Variants in EPHA5 observed in about 807,000 individuals in gnomAD.
EPHA5 encodes ephrin type-A receptor 5.
Under a neutral mutation model 105.0 loss-of-function variants are expected in EPHA5, and 60 were observed. The ratio of observed to expected loss-of-function variants is 0.57; its 90% CI spans 0.46 to 0.71. The LOEUF (loss-of-function observed/expected upper bound fraction) is 0.71, where lower values mean the gene tolerates loss of function less well. Among genes scored for constraint, EPHA5 ranks in the 30% least tolerant of loss-of-function variants. The pLI, the probability that EPHA5 is intolerant of heterozygous loss-of-function variation, is 0.00. For synonymous variants in EPHA5, 513 were observed against 449.1 expected, an observed-to-expected ratio of 1.14 and a Z score of -1.80; for missense variants, 1,218 against 1,274.7, an observed-to-expected ratio of 0.96 and a Z score of 0.68.
At chr4:65,621,740 T>G (rs1308504760) in intron 2 of EPHA5, among the ~76,000 whole-genome samples, 1 of 152,148 alleles carries the variant, frequency 6.6e-6, no homozygotes, top group African/African-American at 2.4e-5. Flanking sequence ...ACTGTTCCAC[T>G]GGGTTCTAGC....
intron 1 of EPHA5, among the ~76,000 whole-genome samples, chr4:65,660,014 G>A (rs1042489101): frequency 6.6e-6 from 1 of 151,994 alleles, no homozygotes; most frequent in African/African-American, 2.4e-5. Flanking sequence ...CATTTCTCAT[G>A]CCCTTTTAAT....
chr4:65,477,717 T>A (rs1366207907), intron 5 of EPHA5, among the ~76,000 whole-genome samples: 1 of 152,092 alleles, frequency 6.6e-6, no homozygotes, highest in African/African-American at 2.4e-5. Context: ...CCAGCCCACT[T>A]CATGTTCTTA....
chr4:65,348,710 TGTGTG>T, intron 13 of EPHA5, among the ~76,000 whole-genome samples: 3 of 127,884 alleles, frequency 2.3e-5, no homozygotes, highest in Non-Finnish European at 5.0e-5. Flanking sequence ...AATATATATG[TGTGTG>T]TATATATATG....
intron 13 of EPHA5, 118 bp from the exon 14 acceptor site, chr4:65,348,321 C>A: frequency 1.1e-6 from 1 of 916,140 alleles, no homozygotes; most frequent in South Asian, 1.7e-5. Flanking sequence ...ATCTGTTTGA[C>A]AGCGCGCAGT....
chr4:65,380,019 C>T (rs1161958699), intron 8 of EPHA5, among the ~76,000 whole-genome samples: 1 of 151,698 alleles, frequency 6.6e-6, no homozygotes, highest in Non-Finnish European at 1.5e-5. Context: ...ACATATTTTT[C>T]CATCAACCAA....
At chr4:65,649,011 T>G (rs1748365153) in intron 1 of EPHA5, among the ~76,000 whole-genome samples, 1 of 152,350 alleles carries the variant, frequency 6.6e-6, no homozygotes, top group East Asian at 1.9e-4. Flanking sequence ...TATGTAGATT[T>G]CTGGCATCCC....
At chr4:65,380,330 A>G (rs1313746371) in intron 8 of EPHA5, among the ~76,000 whole-genome samples, 1 of 151,822 alleles carries the variant, frequency 6.6e-6, no homozygotes. Flanking sequence ...TTAAAATATG[A>G]TAGCATAATC....
chr4:65,476,123 A>T (rs866919350), intron 5 of EPHA5, among the ~76,000 whole-genome samples: 18,873 of 128,366 alleles, frequency 0.15, 1,353 homozygotes, highest in East Asian at 0.22. Flanking sequence ...AGAGAGAGAG[A>T]GAGAGTGTGT....
chr4:65,442,988 A>G (rs1387281293), intron 5 of EPHA5, among the ~76,000 whole-genome samples: 1 of 152,136 alleles, frequency 6.6e-6, no homozygotes, highest in African/African-American at 2.4e-5. Context: ...CTGAAGTTAG[A>G]AACCCTTTAA....
At chr4:65,577,827 A>G (rs1459463624) in intron 3 of EPHA5, among the ~76,000 whole-genome samples, 2 of 152,252 alleles carry the variant, frequency 1.3e-5, no homozygotes, top group Non-Finnish European at 2.9e-5. Flanking sequence ...TGTACTTAGC[A>G]TCAAAACTAA....
intron 15 of EPHA5, among the ~76,000 whole-genome samples, chr4:65,334,739 A>C (rs1243785916): frequency 1.3e-5 from 2 of 152,058 alleles, no homozygotes; most frequent in Non-Finnish European, 2.9e-5. Flanking sequence ...AAAATTATTT[A>C]GAAATTTTTA....
intron 8 of EPHA5, among the ~76,000 whole-genome samples, chr4:65,375,550 C>T (rs1486267686): frequency 6.6e-6 from 1 of 151,856 alleles, no homozygotes; most frequent in East Asian, 1.9e-4. Flanking sequence ...CCAAAGCTAG[C>T]CTTTTCCAAT....
intron 6 of EPHA5, among the ~76,000 whole-genome samples, chr4:65,415,039 C>T (rs1463756935): frequency 6.6e-6 from 1 of 152,042 alleles, no homozygotes; most frequent in African/African-American, 2.4e-5. Context: ...TTGAAAATGT[C>T]CTGATTTGGA....
chr4:65,422,460 C>A (rs534880341), intron 5 of EPHA5, among the ~76,000 whole-genome samples: 4 of 152,160 alleles, frequency 2.6e-5, no homozygotes, highest in East Asian at 1.9e-4. Context: ...CCTGCTCAAC[C>A]TTTTAAGTCT....
At chr4:65,457,553 G>T (rs1448060645) in intron 5 of EPHA5, among the ~76,000 whole-genome samples, 8 of 151,838 alleles carry the variant, frequency 5.3e-5, no homozygotes, top group Non-Finnish European at 1.0e-4. Context: ...ATTGCTTAAA[G>T]GTATACATCT....
At chr4:65,547,447 G>A (rs1391513726) in intron 3 of EPHA5, among the ~76,000 whole-genome samples, 2 of 151,926 alleles carry the variant, frequency 1.3e-5, no homozygotes, top group Non-Finnish European at 2.9e-5. Flanking sequence ...TGAGCTGTCT[G>A]ACATATTTTA....
At chr4:65,386,355 T>G (rs1720085967) in intron 8 of EPHA5, among the ~76,000 whole-genome samples, 1 of 151,994 alleles carries the variant, frequency 6.6e-6, no homozygotes, top group Non-Finnish European at 1.5e-5. Context: ...TGTTCTAGGT[T>G]GTGAACTACC....
At chr4:65,538,316 C>A (rs566221248) in intron 3 of EPHA5, among the ~76,000 whole-genome samples, 12 of 151,732 alleles carry the variant, frequency 7.9e-5, no homozygotes, top group Middle Eastern at 3.4e-3. Context: ...TCTGGGAGCA[C>A]CAATTCAGCA....
At chr4:65,356,490 A>T (rs569722254) in intron 11 of EPHA5, among the ~76,000 whole-genome samples, 1 of 151,670 alleles carries the variant, frequency 6.6e-6, no homozygotes, top group African/African-American at 2.4e-5. Flanking sequence ...ATTTGGGGAA[A>T]AAAAGGGAGA....
Sources: allele counts gnomAD v4.1 joint callset (sites outside exome capture counted in the v4.1 genomes callset), GRCh38; gene constraint gnomAD v4.1.1; transcripts MANE v1.5; gene names NCBI Gene and HGNC (gene_info 2026-07-23, HGNC 2026-07-21).